Variants in LRRK1 observed in about 807,000 individuals in gnomAD.
LRRK1 encodes the protein leucine rich repeat kinase 1.
LRRK1 carries 113 observed loss-of-function variants against 209.1 expected under a neutral mutation model. The observed-to-expected ratio is 0.54, with a 90% CI of 0.46 to 0.63. LRRK1 has a LOEUF of 0.63. Among genes scored for constraint, LRRK1 ranks in the 30% least tolerant of loss-of-function variants. LRRK1 has a pLI of 0.00. For synonymous variants in LRRK1, 1,144 were observed against 1,099.7 expected (o/e 1.04, Z -0.80); for missense variants, 2,284 against 2,632.2 (o/e 0.87, Z 2.89).
chr15:101,057,446 GT>G (rs2035875606), intron 28 of LRRK1, among the ~76,000 whole-genome samples: 1 of 152,190 alleles, frequency 6.6e-6, no homozygotes, highest in African/African-American at 2.4e-5. Flanking sequence ...TGACGGTGGT[GT>G]TTTTGTGTTT....
rs747908804 is a variant in LRRK1, at chr15:101,021,972, G to A, written c.1852+15G>A. 2 of 1,567,446 alleles carry A rather than the reference G, an allele frequency of 1.3e-6. No homozygotes were observed. The highest frequency in any genetic ancestry group is 2.2e-5 in the South Asian group (2 of 89,800). On this transcript the variant is annotated intron_variant, in intron 14 of 33. Coordinates refer to ENST00000388948, the MANE Select transcript of LRRK1 (RefSeq NM_024652.6). ...CCAAAAAGAAGGTAGGGCTTCCGCA[G>A]CCCTGTCCCCTGCCATCACCTCTTG...
intron 22 of LRRK1, 84 bp from the exon 23 acceptor site, chr15:101,049,560 T>G (rs897484): frequency 0.84 from 1,280,217 of 1,521,560 alleles, 540,814 homozygotes; most frequent in East Asian, 0.95. Flanking sequence ...CGGGGGTTGG[T>G]TCCTGTCCCT....
At chr15:100,941,444 G>GTGCCTGTATCTGTGTGCGTCTGTGTC (rs1567191149) in intron 2 of LRRK1, among the ~76,000 whole-genome samples, 1,445 of 137,080 alleles carry the variant, frequency 0.011, 194 homozygotes, top group African/African-American at 0.041. Context: ...GTGTGTGTGT[G>GTGCCTGTATCTGTGTGCGTCTGTGTC]TCTGTGTGTG....
At chr15:100,977,275 G>A (rs113218622) in intron 3 of LRRK1, among the ~76,000 whole-genome samples, 4,524 of 151,744 alleles carry the variant, frequency 0.03, 93 homozygotes, top group South Asian at 0.06. Context: ...AAACTTACAG[G>A]CAGTCAACAA....
intron 6 of LRRK1, among the ~76,000 whole-genome samples, chr15:100,990,286 G>A (rs2032090072): frequency 6.6e-6 from 1 of 152,098 alleles, no homozygotes; most frequent in Admixed American, 6.6e-5. Flanking sequence ...CATAGAGCCA[G>A]TGTCACTTAG....
chr15:101,041,127 T>G (rs1178230777), intron 20 of LRRK1, among the ~76,000 whole-genome samples: 1 of 152,262 alleles, frequency 6.6e-6, no homozygotes, highest in Non-Finnish European at 1.5e-5. Context: ...AGTGACCCTT[T>G]TTTCATTATA....
chr15:100,989,422 T>C (rs1275580842), intron 6 of LRRK1, 24 bp downstream of exon 6: 1 of 1,612,358 alleles, frequency 6.2e-7, no homozygotes, highest in South Asian at 1.1e-5. Flanking sequence ...GCCTGTGGAG[T>C]GTGTTTTAGT....
intron 2 of LRRK1, among the ~76,000 whole-genome samples, chr15:100,930,171 T>C (rs188268724): frequency 2.2e-4 from 34 of 152,344 alleles, no homozygotes; most frequent in African/African-American, 8.2e-4. Flanking sequence ...CACCAGGCTT[T>C]ATTCATTTAG....
At chr15:100,949,476 A>G (rs991207753) in intron 2 of LRRK1, among the ~76,000 whole-genome samples, 2 of 152,224 alleles carry the variant, frequency 1.3e-5, no homozygotes, top group Non-Finnish European at 2.9e-5. Flanking sequence ...CATCAACTTC[A>G]CAAACTCTTC....
At chr15:101,049,820 C>T in intron 23 of LRRK1, 37 bp downstream of exon 23, 1 of 1,590,518 alleles carries the variant, frequency 6.3e-7, no homozygotes, top group Non-Finnish European at 8.6e-7. Flanking sequence ...CTCATTCATG[C>T]TAATATTTCT....
intron 2 of LRRK1, among the ~76,000 whole-genome samples, chr15:100,972,361 AGAGTGT>A (rs1441335899): frequency 4.5e-3 from 380 of 83,982 alleles, no homozygotes; most frequent in Middle Eastern, 0.01. Flanking sequence ...AGAGAGAGAG[AGAGTGT>A]GTGTGTGTGT....
Position 100,973,908 on chromosome 15 carries a change from G to A in LRRK1, c.202G>A (p.Gly68Ser), listed in dbSNP as rs56289455. The change falls in exon 3 of 34, where the codon GGC (glycine) becomes AGC (serine). Residue 68 changes from glycine (G) to serine (S), a missense_variant. Gly to Ser is a moderately conservative substitution (Grantham distance 56). Around this residue, in one of 6 missense-constraint regions of LRRK1, gnomAD observed 174 missense variants for 133.5 expected, o/e 1.30. Transcript: ENST00000388948. Reference sequence around the variant, plus strand: ...CGCCGCGTACAGGCGGGGAGACCGCGGCGGCGCCCGGGACCTGCTGGAGGA... The same window carrying A: ...CGCCGCGTACAGGCGGGGAGACCGCAGCGGCGCCCGGGACCTGCTGGAGGA... ...IRAAYRRGDRGGARDLLEEAC... is the reference protein window; with the variant it reads ...IRAAYRRGDRSGARDLLEEAC... 9,247 of 1,267,644 alleles carry A rather than the reference G, an allele frequency of 7.3e-3. 47 individuals are homozygous for A. Among genetic ancestry groups the A allele is most frequent in the East Asian group, 0.012 (384 of 31,794 alleles). The allele number at this position is 1,267,644 out of a possible 1,614,324, so 78.5% of individuals were successfully genotyped here. A position where few individuals can be genotyped will look rare whatever the true frequency, so the allele number is the denominator to read the frequency against.
chr15:100,927,229 A>G (rs2042131892), intron 2 of LRRK1, among the ~76,000 whole-genome samples: 1 of 152,194 alleles, frequency 6.6e-6, no homozygotes, highest in African/African-American at 2.4e-5. Flanking sequence ...CCGGGGCGCA[A>G]TGGGCTTTGG....
chr15:101,055,342 T>C, intron 27 of LRRK1, 119 bp downstream of exon 27: 1 of 987,874 alleles, frequency 1.0e-6, no homozygotes, highest in Non-Finnish European at 1.4e-6. Context: ...AGCACATTTT[T>C]CTCACTCTCC....
In LRRK1 at chr15:100,961,118, G is replaced by C. The variant is rs146224819; in HGVS notation, c.98-12686G>C. ...TGGCTGAGGGGCTGCATCTGGTCAGGGCTTCTTGCTGGTGGGGACTGGCTG... is the reference window on the plus strand; with the variant it reads ...TGGCTGAGGGGCTGCATCTGGTCAGCGCTTCTTGCTGGTGGGGACTGGCTG... On this transcript the variant is annotated intron_variant, in intron 2 of 33. Coordinates refer to ENST00000388948, the MANE Select transcript of LRRK1 (RefSeq NM_024652.6). Among the ~76,000 whole-genome samples, 913 of 152,336 alleles carry C rather than the reference G, an allele frequency of 6.0e-3. 9 individuals are homozygous for C. The highest frequency in any genetic ancestry group is 0.013 in the East Asian group (66 of 5,188).
intron 6 of LRRK1, among the ~76,000 whole-genome samples, chr15:100,994,630 C>T (rs2032314452): frequency 6.6e-6 from 1 of 152,180 alleles, no homozygotes; most frequent in Admixed American, 6.5e-5. Flanking sequence ...TGGTGCTTTT[C>T]CTCTAACTGG....
intron 6 of LRRK1, among the ~76,000 whole-genome samples, chr15:101,004,609 C>T (rs891377155): frequency 6.6e-6 from 1 of 152,144 alleles, no homozygotes; most frequent in African/African-American, 2.4e-5. Flanking sequence ...TGAGTCAGTG[C>T]CACACAGATC....
intron 7 of LRRK1, among the ~76,000 whole-genome samples, chr15:101,010,119 G>C (rs1455712368): frequency 1.3e-5 from 2 of 152,190 alleles, no homozygotes; most frequent in African/African-American, 4.8e-5. Flanking sequence ...AGATGGACAG[G>C]TCCAGAAGGT....
intron 6 of LRRK1, among the ~76,000 whole-genome samples, chr15:101,005,048 AC>A (rs1473982471): frequency 2.0e-5 from 3 of 151,586 alleles, no homozygotes; most frequent in Non-Finnish European, 2.9e-5. Context: ...ACCATTCCAT[AC>A]GGAAAGACCA....
Sources: allele counts gnomAD v4.1 joint callset (sites outside exome capture counted in the v4.1 genomes callset), GRCh38; gene constraint gnomAD v4.1.1; regional missense constraint gnomAD v4.1.1; transcripts MANE v1.5; gene names NCBI Gene and HGNC (gene_info 2026-07-23, HGNC 2026-07-21).